The following WFS1 variants were observed in gnomAD, a reference collection of about 807,000 sequenced individuals.
The protein encoded by WFS1 is wolframin ER transmembrane glycoprotein, also known as wolframin.
WFS1 carries 90 observed loss-of-function variants against 68.5 expected under a neutral mutation model. The observed-to-expected ratio is 1.31, with a 90% CI of 1.11 to 1.56. The LOEUF (loss-of-function observed/expected upper bound fraction) is 1.56, where lower values mean the gene tolerates loss of function less well. Ranked by LOEUF, WFS1 falls within the 40% of genes most tolerant of loss-of-function variation. The pLI, the probability that WFS1 is intolerant of heterozygous loss-of-function variation, is 0.00. For missense variants in WFS1, 1,767 were observed against 1,232.6 expected, an observed-to-expected ratio of 1.43 and a Z score of -6.49; for synonymous variants, 860 against 540.7, an observed-to-expected ratio of 1.59 and a Z score of -8.19.
Position 6,301,626 on chromosome 4 carries a change from C to T in WFS1, c.1831C>T (p.Arg611Cys), listed in dbSNP as rs144993516. The T allele has an allele frequency of 1.1e-4, 175 of 1,613,986 alleles. No homozygotes were observed. Among genetic ancestry groups the T allele is most frequent in the Middle Eastern group, 9.9e-4 (6 of 6,084 alleles). ...VAVCSVPLLL[R>C]WWTKASFSVV... Reference sequence around the variant, plus strand: ...GGTCTGTAGTGTGCCCCTGCTGTTGCGCTGGTGGACCAAGGCCAGCTTCTC... The same window carrying T: ...GGTCTGTAGTGTGCCCCTGCTGTTGTGCTGGTGGACCAAGGCCAGCTTCTC... The change falls in exon 8 of 8, where the codon CGC becomes TGC. Residue 611 changes from arginine (R) to cysteine (C), a missense_variant. Transcript: ENST00000226760.
intron 6 of WFS1, among the ~76,000 whole-genome samples, chr4:6,293,578 A>G (rs1426508815): frequency 6.6e-6 from 1 of 152,148 alleles, no homozygotes; most frequent in Non-Finnish European, 1.5e-5. Context: ...ATCTGTCAGC[A>G]GCGTGGGCAG....
At position 6,277,478 on chromosome 4, in the gene WFS1, T is replaced by A; in HGVS notation, c.23T>A (p.Leu8Gln). 3 of 1,559,118 alleles carry A rather than the reference T, an allele frequency of 1.9e-6. No individual in the cohort carries two copies. The highest frequency in any genetic ancestry group is 2.6e-6 in the Non-Finnish European group (3 of 1,151,596). The change falls in exon 2 of 8, where the codon CTG becomes CAG. Residue 8 changes from leucine (L) to glutamine (Q), a missense_variant. Leu to Gln is a moderately radical substitution (Grantham distance 113). Transcript: ENST00000226760. Reference protein sequence around the residue: MDSNTAPLGPSCPQPPPA... With the variant: MDSNTAPQGPSCPQPPPA... Reference sequence around the variant, plus strand: ...AGGATGGACTCCAACACTGCTCCGCTGGGCCCCTCCTGCCCACAGCCCCCG... The same window carrying A: ...AGGATGGACTCCAACACTGCTCCGCAGGGCCCCTCCTGCCCACAGCCCCCG...
intron 5 of WFS1, 48 bp from the exon 6 acceptor site, chr4:6,291,858 TGCAGGGCACGA>T (rs1178366109): frequency 5.2e-6 from 8 of 1,533,496 alleles, no homozygotes; most frequent in Non-Finnish European, 7.1e-6. Context: ...TCTGGTGGGC[TGCAGGGCACGA>T]GGAGATAGTC....
chr4:6,301,414 GGT>G lies in WFS1; in HGVS notation c.1623_1624del (p.Cys541Ter). On this transcript the variant is annotated frameshift_variant, in exon 8 of 8. Transcript: ENST00000226760. LOFTEE classifies it high-confidence loss of function. ...GTGCCCTACCTGGTGTGCTTCATGT[GGT>G]GTGAGCTCTCCGTGGTCATCCTGCT... 1.2e-6 allele frequency: 2 copies of G among 1,612,494 alleles called. No individual in the cohort carries two copies. Among genetic ancestry groups the G allele is most frequent in the Non-Finnish European group, 1.7e-6 (2 of 1,180,046 alleles).
chr4:6,299,535 G>T (rs1421871665), intron 7 of WFS1, among the ~76,000 whole-genome samples: 1 of 101,032 alleles, frequency 9.9e-6, no homozygotes. Flanking sequence ...GTGTATAGGG[G>T]TGGGTTGTGT....
At chr4:6,278,229 G>C (rs556646983) in intron 2 of WFS1, among the ~76,000 whole-genome samples, 3 of 152,074 alleles carry the variant, frequency 2.0e-5, no homozygotes, top group African/African-American at 7.2e-5. Flanking sequence ...CGAGCTGACT[G>C]AGGCCCTGGG....
At chr4:6,289,725 G>T (rs1356007071) in intron 4 of WFS1, among the ~76,000 whole-genome samples, 1 of 152,244 alleles carries the variant, frequency 6.6e-6, no homozygotes, top group East Asian at 1.9e-4. Flanking sequence ...GTGCCGTGGG[G>T]CAGTGTGCTT....
intron 6 of WFS1, among the ~76,000 whole-genome samples, chr4:6,293,734 G>A (rs1205808412): frequency 6.6e-6 from 1 of 152,186 alleles, no homozygotes; most frequent in African/African-American, 2.4e-5. Flanking sequence ...ATCCCTATGA[G>A]GACAGGGGCC....
Position 6,300,953 on chromosome 4 carries a change from C to G in WFS1, c.1158C>G (p.Pro386=), listed in dbSNP as rs71524354. 1.2e-6 allele frequency: 2 copies of G among 1,614,020 alleles called. No homozygotes were observed. The highest frequency in any genetic ancestry group is 3.3e-5 in the Admixed American group (2 of 59,908). The change falls in exon 8 of 8, where the codon CCC becomes CCG. Residue 386 remains proline (P), a synonymous_variant. Transcript: ENST00000226760. ...CCGACCTGCTGCTGCGCTTCGAGCC[C>G]AACCTGGATGTGGAGCAGGCCGAGG... is the stretch of plus-strand genomic sequence containing the variant. The part of the protein sequence containing the change: ...TLTDLLLRFE[P]NLDVEQAEVN...
At chr4:6,292,957 G>A (rs770010168) in intron 6 of WFS1, among the ~76,000 whole-genome samples, 10 of 152,260 alleles carry the variant, frequency 6.6e-5, no homozygotes, top group South Asian at 2.1e-4. Context: ...TCGCCTCTGC[G>A]TGGGCGGACA....
chr4:6,277,681 G>C lies in WFS1; in HGVS notation c.226G>C (p.Gly76Arg), dbSNP rs566587586. The C allele has an allele frequency of 1.3e-6, 2 of 1,559,506 alleles. No homozygotes were observed. Among genetic ancestry groups the C allele is most frequent in the Admixed American group, 3.8e-5 (2 of 52,274 alleles). The change falls in exon 2 of 8, where the codon GGC (glycine) becomes CGC (arginine). Residue 76 changes from glycine (G) to arginine (R), a missense_variant. Transcript: ENST00000226760. The stretch of plus-strand genomic sequence containing the variant: ...TACCAGGAGCCGGGAAAGAGCAGAC[G>C]GCACCGGTAAGGGAGCAGGCTGGGA... ...QHTRSRERAD[G>R]TGPTKGDMEI...
At chr4:6,300,170 G>A (rs561454710) in intron 7 of WFS1, among the ~76,000 whole-genome samples, 10 of 152,218 alleles carry the variant, frequency 6.6e-5, no homozygotes, top group African/African-American at 1.4e-4. Flanking sequence ...GACTGCCTGC[G>A]GCTTCTCCTC....
At chr4:6,299,197 C>G (rs551959331) in intron 7 of WFS1, among the ~76,000 whole-genome samples, 7 of 152,342 alleles carry the variant, frequency 4.6e-5, no homozygotes, top group African/African-American at 1.7e-4. Flanking sequence ...TCTGCACAGA[C>G]CAGGAAGGCA....
At chr4:6,273,375 G>T (rs1729893103) in intron 1 of WFS1, among the ~76,000 whole-genome samples, 3 of 152,194 alleles carry the variant, frequency 2.0e-5, no homozygotes, top group Non-Finnish European at 4.4e-5. Context: ...CACAGTGACG[G>T]CTTCTAAGCC....
chr4:6,299,917 G>A (rs1355330615), intron 7 of WFS1, among the ~76,000 whole-genome samples: 3 of 145,840 alleles, frequency 2.1e-5, no homozygotes, highest in Non-Finnish European at 4.5e-5. Context: ...GTGTGTGTAT[G>A]GGGTGGGTTT....
intron 2 of WFS1, among the ~76,000 whole-genome samples, chr4:6,280,201 G>A (rs1465558324): frequency 6.6e-6 from 1 of 152,214 alleles, no homozygotes; most frequent in Admixed American, 6.5e-5. Context: ...TGTGTGGAGC[G>A]TGGATGCCCA....
intron 3 of WFS1, among the ~76,000 whole-genome samples, chr4:6,288,158 A>T (rs928232185): frequency 6.6e-6 from 1 of 150,758 alleles, no homozygotes; most frequent in Non-Finnish European, 1.5e-5. Flanking sequence ...TGGAGGTTGC[A>T]GTGAGCCGAG....
rs56393026 is a variant in WFS1 at position 6,302,398 on chromosome 4, G to C, written c.2603G>C (p.Arg868Pro). The change falls in exon 8 of 8, where the codon CGC becomes CCC. Residue 868 changes from arginine to proline, a missense_variant. Coordinates refer to ENST00000226760, the MANE Select transcript of WFS1 (RefSeq NM_006005.3). ...CACGTGAAGATCGAGCACGACTGGCGCAGCACCGTGCATGGCGCCGTGAAG... is the reference window on the plus strand; with the variant it reads ...CACGTGAAGATCGAGCACGACTGGCCCAGCACCGTGCATGGCGCCGTGAAG... ...RRHVKIEHDW[R>P]STVHGAVKFA... The C allele has an allele frequency of 1.2e-5, 20 of 1,613,030 alleles. No homozygotes were observed. The highest frequency in any genetic ancestry group is 1.6e-5 in the Non-Finnish European group (19 of 1,180,046).
intron 7 of WFS1, among the ~76,000 whole-genome samples, chr4:6,299,007 CT>C (rs1046898132): frequency 3.3e-5 from 5 of 152,376 alleles, no homozygotes; most frequent in Non-Finnish European, 5.9e-5. Context: ...GGGCCGCCCC[CT>C]AGGCGTCCAC....
Sources: allele counts gnomAD v4.1 joint callset (sites outside exome capture counted in the v4.1 genomes callset), GRCh38; gene constraint gnomAD v4.1.1; transcripts MANE v1.5; gene names NCBI Gene and HGNC (gene_info 2026-07-23, HGNC 2026-07-21).